The following CNNM1 variants were observed in gnomAD, a reference collection of about 807,000 sequenced individuals.
CNNM1 encodes the protein cyclin and CBS domain divalent metal cation transport mediator 1, also known as metal transporter CNNM1.
In CNNM1, 44 loss-of-function variants were observed where a neutral mutation model predicts 78.8. The observed-to-expected ratio is 0.56, with a 90% CI of 0.44 to 0.72. CNNM1 has a LOEUF of 0.72. Among genes scored for constraint, CNNM1 ranks in the 30% least tolerant of loss-of-function variants. CNNM1 has a pLI of 0.00. For synonymous variants in CNNM1, 584 were observed against 581.5 expected, an observed-to-expected ratio of 1.00 and a Z score of -0.06; for missense variants, 1,101 against 1,292.2, an observed-to-expected ratio of 0.85 and a Z score of 2.27.
Position 99,377,140 on chromosome 10 carries a change from C to T in CNNM1, c.2262C>T (p.Thr754=). ...RERSDFGGSN[T]QLYSSSNNLY... ...GCAGTGACTTTGGGGGCAGCAACAC[C>T]CAGCTGTACAGCAGCAGCAACAACC... Residue 754 remains threonine, a synonymous_variant, in exon 7 of 11, where the codon ACC becomes ACT. Coordinates refer to ENST00000356713, the MANE Select transcript of CNNM1 (RefSeq NM_020348.3). 6.2e-7 allele frequency: 1 copy of T among 1,612,732 alleles called. No homozygotes were observed.
intron 7 of CNNM1, among the ~76,000 whole-genome samples, chr10:99,381,738 C>G (rs371072149): frequency 6.7e-6 from 1 of 149,054 alleles, no homozygotes; most frequent in African/African-American, 2.5e-5. Flanking sequence ...AGCGAAACTC[C>G]GTCTCAAAAA....
intron 1 of CNNM1, among the ~76,000 whole-genome samples, chr10:99,331,782 T>C (rs1440018244): frequency 3.3e-5 from 5 of 152,140 alleles, no homozygotes; most frequent in Admixed American, 3.3e-4. Context: ...AGTAGGATCC[T>C]TGTAAGTCTG....
chr10:99,389,876 A>C (rs1375799294), intron 9 of CNNM1, among the ~76,000 whole-genome samples: 1 of 152,100 alleles, frequency 6.6e-6, no homozygotes, highest in Non-Finnish European at 1.5e-5. Context: ...CCTGCGGGAG[A>C]AGACAGGGGC....
Position 99,330,905 on chromosome 10 carries a change from G to A in CNNM1, c.1518G>A (p.Leu506=), listed in dbSNP as rs749144873. ...TCACCCGCTTCTACAACCGGCCCCTGCATTGTGTTTTCAATGACACCCGAC... is the reference window on the plus strand; with the variant it reads ...TCACCCGCTTCTACAACCGGCCCCTACATTGTGTTTTCAATGACACCCGAC... ...LTVTRFYNRP[L]HCVFNDTRLD... Residue 506 remains leucine, a synonymous_variant, in exon 1 of 11, where the codon CTG becomes CTA. Coordinates refer to ENST00000356713, the MANE Select transcript of CNNM1 (RefSeq NM_020348.3). The A allele has an allele frequency of 1.2e-5, 19 of 1,613,936 alleles. No individual in the cohort carries two copies. In the South Asian group the frequency reaches 1.5e-4, roughly 13 times the overall value.
At chr10:99,379,658 T>TC (rs2032079238) in intron 7 of CNNM1, among the ~76,000 whole-genome samples, 1 of 103,178 alleles carries the variant, frequency 9.7e-6, no homozygotes, top group African/African-American at 3.4e-5. Context: ...TTTTTTTTTT[T>TC]GTAGAGACAG....
chr10:99,334,390 C>T (rs535155354), intron 1 of CNNM1, among the ~76,000 whole-genome samples: 10 of 152,288 alleles, frequency 6.6e-5, no homozygotes, highest in South Asian at 6.2e-4. Context: ...CAGTGGCTCA[C>T]GCCTGTAATC....
At position 99,381,950 on chromosome 10, in the gene CNNM1, C is replaced by T. The variant is rs959854757; in HGVS notation, c.2340+4732C>T. ...CTGATTGATTAGACTGTGTTAGGGA[C>T]GTTATTTAGGCCACTCATTTATCTA... On this transcript the variant is annotated intron_variant, in intron 7 of 10. Transcript: ENST00000356713. Among the ~76,000 whole-genome samples, 9 of 151,678 alleles carry T rather than the reference C, an allele frequency of 5.9e-5. No individual in the cohort carries two copies. The South Asian group carries it at 1.3e-3, about 21-fold the overall frequency.
intron 1 of CNNM1, among the ~76,000 whole-genome samples, chr10:99,332,398 A>AT (rs2029959967): frequency 6.6e-6 from 1 of 152,158 alleles, no homozygotes; most frequent in South Asian, 2.1e-4. Context: ...ATTTAACTGC[A>AT]TTTTGTATAA....
At chr10:99,337,272 A>C (rs981469671) in intron 1 of CNNM1, among the ~76,000 whole-genome samples, 3 of 152,146 alleles carry the variant, frequency 2.0e-5, no homozygotes, top group Non-Finnish European at 4.4e-5. Flanking sequence ...CAGTAATGTC[A>C]CTGCTTAAAA....
chr10:99,390,760 G>C (rs944878536), intron 10 of CNNM1, among the ~76,000 whole-genome samples: 2 of 152,208 alleles, frequency 1.3e-5, no homozygotes, highest in Admixed American at 1.3e-4. Flanking sequence ...TTGTGACAGA[G>C]ACCATATGGC....
intron 1 of CNNM1, among the ~76,000 whole-genome samples, chr10:99,349,632 C>T (rs2030854241): frequency 6.6e-6 from 1 of 152,186 alleles, no homozygotes; most frequent in South Asian, 2.1e-4. Context: ...AAGGACCACA[C>T]TTTGAGTAGC....
At chr10:99,385,956 T>C (rs74774234) in intron 7 of CNNM1, among the ~76,000 whole-genome samples, 4,898 of 152,314 alleles carry the variant, frequency 0.032, 189 homozygotes, top group Admixed American at 0.12. Flanking sequence ...AATTTTCCCA[T>C]CCTTTGGTGT....
rs372563543 is a variant in CNNM1 at position 99,391,647 on chromosome 10, C to T, written c.*131C>T. On this transcript the variant is annotated 3_prime_UTR_variant, in exon 11 of 11. Transcript: ENST00000356713. ...TGTTCTGCCTTCCCTTCCATCTCTT[C>T]ACCCCTAGCTGTCAGTTTGGCAGAT... is the stretch of plus-strand genomic sequence containing the variant. 1.2e-3 allele frequency: 848 copies of T among 729,144 alleles called. No individual in the cohort carries two copies. The highest frequency in any genetic ancestry group is 1.6e-3 in the Middle Eastern group (5 of 3,112). 45.2% of individuals were successfully genotyped at this position (729,144 alleles called of 1,614,324 possible).
chr10:99,364,493 C>G lies in CNNM1; in HGVS notation c.2105C>G (p.Ala702Gly). ...NGAFTYYGVPAIMTTACSDND... is the reference protein window; with the variant it reads ...NGAFTYYGVPGIMTTACSDND... The stretch of plus-strand genomic sequence containing the variant: ...GCCTTTACTTACTATGGCGTCCCAG[C>G]CATCATGACCACTGCTTGCTCAGGT... Residue 702 changes from alanine to glycine, a missense_variant, in exon 5 of 11, where the codon GCC becomes GGC. Ala to Gly is a moderately conservative substitution (Grantham distance 60). This residue lies in a region of CNNM1 where 348 missense variants were observed against 384.5 expected (regional missense o/e 0.90). Transcript: ENST00000356713. The G allele has an allele frequency of 6.2e-7, 1 of 1,611,550 alleles. No individual in the cohort carries two copies. Among genetic ancestry groups the G allele is most frequent in the Non-Finnish European group, 8.5e-7 (1 of 1,178,910 alleles).
intron 7 of CNNM1, among the ~76,000 whole-genome samples, chr10:99,381,170 G>A (rs2032137567): frequency 1.3e-5 from 2 of 152,126 alleles, no homozygotes; most frequent in Admixed American, 1.3e-4. Flanking sequence ...CAGCACTTTG[G>A]GAGGCTGAGG....
At chr10:99,365,141 G>C (rs2031571010) in intron 6 of CNNM1, 139 bp downstream of exon 6, 1 of 824,548 alleles carries the variant, frequency 1.2e-6, no homozygotes, top group African/African-American at 1.7e-5. Context: ...TGTTCTGCCA[G>C]GAACACTGCT....
chr10:99,359,246 A>AG (rs1358365926), intron 2 of CNNM1, among the ~76,000 whole-genome samples: 1 of 151,384 alleles, frequency 6.6e-6, no homozygotes, highest in Non-Finnish European at 1.5e-5. Flanking sequence ...GATGGGGGAG[A>AG]GGGGGGCTAT....
chr10:99,337,362 T>G (rs2030235697), intron 1 of CNNM1, among the ~76,000 whole-genome samples: 1 of 152,208 alleles, frequency 6.6e-6, no homozygotes, highest in Non-Finnish European at 1.5e-5. Context: ...GACCTGCTTC[T>G]TGCCCTCCCC....
intron 4 of CNNM1, among the ~76,000 whole-genome samples, chr10:99,362,943 G>A (rs1368984769): frequency 6.6e-6 from 1 of 152,100 alleles, no homozygotes; most frequent in Non-Finnish European, 1.5e-5. Flanking sequence ...CCAGGAAGGG[G>A]GAAAATGACC....
Sources: allele counts gnomAD v4.1 joint callset (sites outside exome capture counted in the v4.1 genomes callset), GRCh38; gene constraint gnomAD v4.1.1; regional missense constraint gnomAD v4.1.1; transcripts MANE v1.5; gene names NCBI Gene and HGNC (gene_info 2026-07-23, HGNC 2026-07-21).